ATP11C: variants seen among roughly 807,000 people sequenced by gnomAD.
The protein encoded by ATP11C is phospholipid-transporting ATPase IG.
Under a neutral mutation model 97.4 loss-of-function variants are expected in ATP11C, and 36 were observed. The ratio of observed to expected loss-of-function variants is 0.37; its 90% CI spans 0.28 to 0.49. ATP11C has a LOEUF of 0.49. ATP11C is among the 20% of genes least tolerant of loss of function. The probability of loss-of-function intolerance (pLI) is 0.98; values close to 1 mark genes in which losing one functional copy is unlikely to be tolerated. For synonymous variants in ATP11C, 275 were observed against 290.9 expected, an observed-to-expected ratio of 0.95 and a Z score of 0.56; for missense variants, 730 against 824.6, an observed-to-expected ratio of 0.89 and a Z score of 1.40.
intron 1 of ATP11C, among the ~76,000 whole-genome samples, chrX:139,838,391 C>T (rs1468386493): frequency 2.7e-5 from 3 of 109,450 alleles, no homozygotes; most frequent in Non-Finnish European, 3.8e-5. Context: ...TTCCAGATGG[C>T]GTGAATGAAC....
At chrX:139,909,552 C>T (rs761407008) in intron 1 of ATP11C, among the ~76,000 whole-genome samples, 10 of 111,560 alleles carry the variant, frequency 9.0e-5, no homozygotes, top group Non-Finnish European at 1.1e-4. Context: ...CACACACACA[C>T]ACACCCCATG....
chrX:139,807,708 G>A (rs1046193287), intron 5 of ATP11C, among the ~76,000 whole-genome samples: 4 of 111,465 alleles, frequency 3.6e-5, no homozygotes, highest in Non-Finnish European at 5.7e-5. Flanking sequence ...CCAGCACTCT[G>A]GGAGGCCAAG....
chrX:139,798,528 G>A (rs766504774), intron 9 of ATP11C, 151 bp downstream of exon 9: 22 of 514,634 alleles, frequency 4.3e-5, no homozygotes, highest in African/African-American at 2.9e-4. Flanking sequence ...GTCATATTTC[G>A]TCTTAGTTTA....
chrX:139,742,873 AAAAATATATATATATAT>A (rs1391273739), intron 26 of ATP11C, among the ~76,000 whole-genome samples: 659 of 26,370 alleles, frequency 0.025, 6 homozygotes, highest in African/African-American at 0.057. Context: ...TTAAAAAAAA[AAAAATATATATATATAT>A]ATATATATAT....
chrX:139,888,282 C>T (rs1266411110), intron 1 of ATP11C, among the ~76,000 whole-genome samples: 1 of 108,785 alleles, frequency 9.2e-6, no homozygotes, highest in East Asian at 3.0e-4. Context: ...TACAGGCGCC[C>T]GCCACAACGC....
intron 1 of ATP11C, among the ~76,000 whole-genome samples, chrX:139,920,030 T>C (rs1342827712): frequency 9.0e-6 from 1 of 111,374 alleles, no homozygotes; most frequent in East Asian, 2.8e-4. Context: ...ATAAATAAAA[T>C]GTGCTCTCTC....
chrX:139,906,676 G>A (rs953871125), intron 1 of ATP11C, among the ~76,000 whole-genome samples: 2 of 109,415 alleles, frequency 1.8e-5, no homozygotes, highest in Non-Finnish European at 3.8e-5. Flanking sequence ...CAGCTACTCA[G>A]GAGGCTGAGG....
intron 6 of ATP11C, 58 bp downstream of exon 6, chrX:139,804,413 G>A: frequency 7.0e-6 from 7 of 997,490 alleles, no homozygotes; most frequent in Non-Finnish European, 9.6e-6. Context: ...ATGGGAGGCA[G>A]TATTGTATGA....
chrX:139,761,832 T>C (rs2082044102), intron 22 of ATP11C, 129 bp downstream of exon 22: 2 of 473,158 alleles, frequency 4.2e-6, no homozygotes, highest in Non-Finnish European at 6.4e-6. Context: ...CTCTGCTTTG[T>C]TGACTGCAAA....
At chrX:139,852,280 C>CT (rs2084003762) in intron 1 of ATP11C, among the ~76,000 whole-genome samples, 1 of 108,567 alleles carries the variant, frequency 9.2e-6, no homozygotes, top group African/African-American at 3.3e-5. Context: ...AATGCTATTC[C>CT]TTTAGCAGCA....
At chrX:139,876,172 C>G (rs1337846412) in intron 1 of ATP11C, among the ~76,000 whole-genome samples, 1 of 111,358 alleles carries the variant, frequency 9.0e-6, no homozygotes, top group African/African-American at 3.3e-5. Flanking sequence ...AAGCTCACCC[C>G]CACAAAAACA....
rs1351330836 is a variant in ATP11C at position 139,859,897 on chromosome X, C to T, written c.28-33074G>A. On this transcript the variant is annotated intron_variant, in intron 1 of 29. Coordinates refer to ENST00000682941, the MANE Select transcript of ATP11C (RefSeq NM_001353812.2). ...CGGGCGGATCACGAGGTCAGGAGAT[C>T]GAGACCATCCCGGCTAAAAACGGTG... Among the ~76,000 whole-genome samples, 3 of 81,674 alleles carry T rather than the reference C, an allele frequency of 3.7e-5. 1 individual carries two copies. The highest frequency in any genetic ancestry group is 2.0e-5 in the Non-Finnish European group (1 of 50,882). 70.9% of individuals were successfully genotyped at this position (81,674 alleles called of 115,157 possible). A position where few individuals can be genotyped will look rare whatever the true frequency, so the allele number is the denominator to read the frequency against.
chrX:139,775,597 C>T (rs1163234049), intron 18 of ATP11C, among the ~76,000 whole-genome samples: 2 of 112,494 alleles, frequency 1.8e-5, no homozygotes, highest in Non-Finnish European at 3.8e-5. Context: ...AGAGACTGTC[C>T]CTTAAGGAAC....
intron 1 of ATP11C, among the ~76,000 whole-genome samples, chrX:139,912,507 A>C (rs1261907509): frequency 9.0e-6 from 1 of 110,897 alleles, no homozygotes; most frequent in Non-Finnish European, 1.9e-5. Context: ...TACATTTTTA[A>C]ATGACAGTTT....
chrX:139,838,272 C>T (rs751479727), intron 1 of ATP11C, among the ~76,000 whole-genome samples: 135 of 111,768 alleles, frequency 1.2e-3, no homozygotes, highest in Non-Finnish European at 2.2e-3. Flanking sequence ...CCAATTCTGT[C>T]CAATATACCT....
At chrX:139,903,253 C>T (rs1305361942) in intron 1 of ATP11C, among the ~76,000 whole-genome samples, 1 of 111,777 alleles carries the variant, frequency 8.9e-6, no homozygotes, top group Non-Finnish European at 1.9e-5. Flanking sequence ...TGGCTCATAA[C>T]TTCCATAGCC....
At chrX:139,930,048 T>A (rs1355376541) in intron 1 of ATP11C, among the ~76,000 whole-genome samples, 1 of 111,988 alleles carries the variant, frequency 8.9e-6, no homozygotes, top group Admixed American at 9.5e-5. Context: ...TTCCTGATAC[T>A]TACCACAGTC....
At chrX:139,908,716 C>A (rs1447751399) in intron 1 of ATP11C, among the ~76,000 whole-genome samples, 1 of 112,084 alleles carries the variant, frequency 8.9e-6, no homozygotes, top group Non-Finnish European at 1.9e-5. Context: ...GGCTATAAAC[C>A]AATGCACAAC....
chrX:139,756,663 T>G (rs1295045516), intron 23 of ATP11C, among the ~76,000 whole-genome samples: 2 of 111,472 alleles, frequency 1.8e-5, no homozygotes, highest in Non-Finnish European at 3.8e-5. Context: ...ATCATGTCAT[T>G]TGCAGCAACA....
Sources: allele counts gnomAD v4.1 joint callset (sites outside exome capture counted in the v4.1 genomes callset), GRCh38; gene constraint gnomAD v4.1.1; transcripts MANE v1.5; gene names NCBI Gene and HGNC (gene_info 2026-07-23, HGNC 2026-07-21).